The following BCO2 variants were observed in gnomAD, a reference collection of about 807,000 sequenced individuals.
The protein encoded by BCO2 is carotenoid-cleaving dioxygenase, mitochondrial.
A neutral mutation model predicts 65.8 loss-of-function variants in BCO2; 56 were observed. That is an observed-to-expected ratio of 0.85 (90% CI 0.69 to 1.06). BCO2 has a LOEUF of 1.06. Among genes scored for constraint, BCO2 ranks in the 50% least tolerant of loss-of-function variants. The probability of loss-of-function intolerance (pLI) is 0.00; values close to 1 mark genes in which losing one functional copy is unlikely to be tolerated. For synonymous variants in BCO2, 233 were observed against 242.3 expected (o/e 0.96, Z 0.36); for missense variants, 675 against 698.5 (o/e 0.97, Z 0.38).
chr11:112,191,028 G>T (rs1012455529), intron 2 of BCO2, among the ~76,000 whole-genome samples: 1 of 150,650 alleles, frequency 6.6e-6, no homozygotes, highest in Non-Finnish European at 1.5e-5. Flanking sequence ...GGTGCTACAA[G>T]CAGTAATACT....
intron 1 of BCO2, chr11:112,176,313 A>G (rs1866878687): frequency 6.6e-6 from 1 of 152,374 alleles, no homozygotes; most frequent in Non-Finnish European, 1.5e-5. Context: ...TTTATCATAC[A>G]AGACAGATAA....
At position 112,184,419 on chromosome 11, in the gene BCO2, ATTT is replaced by A. The variant is rs938893543; in HGVS notation, c.293+4942_293+4944del. ...AGGTGCCCGCCACCACGCCTGGCTA[ATTT>A]TTTTGTATTTTTAGTAGAGACGGGG... On this transcript the variant is annotated intron_variant, in intron 2 of 11. Transcript: ENST00000357685. 2.0e-5 allele frequency among the ~76,000 whole-genome samples: 3 copies of A among 151,746 alleles called. No individual in the cohort carries two copies. The South Asian group carries it at 6.3e-4, about 32-fold the overall frequency.
intron 8 of BCO2, among the ~76,000 whole-genome samples, chr11:112,205,523 T>C (rs1029467006): frequency 6.6e-6 from 1 of 152,254 alleles, no homozygotes; most frequent in African/African-American, 2.4e-5. Flanking sequence ...GGCATGATCA[T>C]AGCTCACTGA....
At chr11:112,192,805 CTCATTCTGA>C (rs1867429966) in intron 2 of BCO2, among the ~76,000 whole-genome samples, 1 of 146,794 alleles carries the variant, frequency 6.8e-6, no homozygotes, top group Non-Finnish European at 1.5e-5. Flanking sequence ...CGGCCTGGAG[CTCATTCTGA>C]TTTGTTAAAC....
chr11:112,205,176 A>G (rs1867836540), intron 8 of BCO2, among the ~76,000 whole-genome samples: 1 of 152,096 alleles, frequency 6.6e-6, no homozygotes, highest in Admixed American at 6.5e-5. Flanking sequence ...CCTCTACCCC[A>G]CTCCGTGTTG....
rs1867684627 is a variant in BCO2 at position 112,199,922 on chromosome 11, C to G, written c.865+95C>G. 3 of 1,439,374 alleles carry G rather than the reference C, an allele frequency of 2.1e-6. No homozygotes were observed. In the African/African-American group the frequency reaches 4.2e-5, roughly 20 times the overall value. The allele number at this position is 1,439,374 out of a possible 1,614,324, so 89.2% of individuals were successfully genotyped here. On this transcript the variant is annotated intron_variant, in intron 6 of 11. Coordinates refer to ENST00000357685, the MANE Select transcript of BCO2 (RefSeq NM_031938.7). The stretch of plus-strand genomic sequence containing the variant: ...GGCAAATGTTATGTTAATAGTTTAT[C>G]ACGCTATGGTGATAATGAGACCAAG...
chr11:112,194,715 T>C lies in BCO2; in HGVS notation c.696T>C (p.Asp232=). The C allele has an allele frequency of 6.2e-7, 1 of 1,612,802 alleles. No homozygotes were observed. Among genetic ancestry groups the C allele is most frequent in the South Asian group, 1.1e-5 (1 of 90,912 alleles). Residue 232 remains aspartate, a synonymous_variant, in exon 5 of 12, where the codon GAT becomes GAC. Coordinates refer to ENST00000357685, the MANE Select transcript of BCO2 (RefSeq NM_031938.7). ...CTGCACATCCTCATTATGACCTGGA[T>C]GGAACAGCATACAATATGGGGAACT... ...GATAHPHYDL[D]GTAYNMGNSF...
chr11:112,204,734 G>A (rs1352292080), intron 8 of BCO2, among the ~76,000 whole-genome samples: 2 of 152,226 alleles, frequency 1.3e-5, no homozygotes, highest in African/African-American at 4.8e-5. Flanking sequence ...GTGCAATGGC[G>A]TGATCTCGTC....
intron 1 of BCO2, among the ~76,000 whole-genome samples, chr11:112,178,122 C>T (rs1280951781): frequency 6.6e-6 from 1 of 151,250 alleles, no homozygotes; most frequent in Non-Finnish European, 1.5e-5. Context: ...ATTATGTTGG[C>T]CAGACAGGTC....
intron 1 of BCO2, among the ~76,000 whole-genome samples, chr11:112,177,352 C>G (rs1866913021): frequency 6.6e-6 from 1 of 152,062 alleles, no homozygotes; most frequent in African/African-American, 2.4e-5. Flanking sequence ...TTATTAGGAC[C>G]AGAATGGAGT....
At chr11:112,192,196 G>A (rs577886534) in intron 2 of BCO2, among the ~76,000 whole-genome samples, 71 of 152,186 alleles carry the variant, frequency 4.7e-4, no homozygotes, top group African/African-American at 1.6e-3. Context: ...GTCTTTTTAC[G>A]ACTGGCATAT....
rs573747507 is a variant in BCO2 at position 112,186,989 on chromosome 11, T to C, written c.294-6485T>C. On this transcript the variant is annotated intron_variant, in intron 2 of 11. Coordinates refer to ENST00000357685, the MANE Select transcript of BCO2 (RefSeq NM_031938.7). ...CCTGGACTATCGCCACTGTAATGAT[T>C]GTCCCCCTCCATGCCACTTCGACAA... Among the ~76,000 whole-genome samples, 72 of 152,290 alleles carry C rather than the reference T, an allele frequency of 4.7e-4. 1 individual carries two copies. The highest frequency in any genetic ancestry group is 1.6e-3 in the African/African-American group (67 of 41,560).
intron 2 of BCO2, chr11:112,181,730 G>C: frequency 1.1e-6 from 1 of 916,676 alleles, no homozygotes; most frequent in South Asian, 1.3e-5. Flanking sequence ...AGTCAGAACT[G>C]TGATGCCAGG....
intron 2 of BCO2, among the ~76,000 whole-genome samples, chr11:112,184,204 G>A (rs7121203): frequency 1 from 152,330 of 152,336 alleles, 76,162 homozygotes; most frequent in Middle Eastern, 1. Context: ...GTCTGCTAAA[G>A]GCCAATGTAA....
At chr11:112,177,300 A>T (rs1010822151) in intron 1 of BCO2, among the ~76,000 whole-genome samples, 4 of 152,200 alleles carry the variant, frequency 2.6e-5, no homozygotes, top group Non-Finnish European at 4.4e-5. Context: ...AGATTTTAGT[A>T]TGCTTAAGAA....
intron 8 of BCO2, among the ~76,000 whole-genome samples, chr11:112,206,239 G>A (rs944997620): frequency 9.5e-4 from 144 of 151,550 alleles, no homozygotes; most frequent in Non-Finnish European, 1.7e-3. Flanking sequence ...TCCCAGACAG[G>A]GCAGCGGCCG....
chr11:112,191,379 A>T (rs1195775210), intron 2 of BCO2, among the ~76,000 whole-genome samples: 1 of 152,182 alleles, frequency 6.6e-6, no homozygotes, highest in Non-Finnish European at 1.5e-5. Context: ...ACATAATGGT[A>T]GGGAAACTTC....
chr11:112,189,586 T>G (rs1381841688), intron 2 of BCO2, among the ~76,000 whole-genome samples: 2 of 152,004 alleles, frequency 1.3e-5, no homozygotes, highest in Non-Finnish European at 2.9e-5. Flanking sequence ...TTTTTGTATT[T>G]TTAGTAGGGG....
At chr11:112,214,368 C>T (rs910660959) in intron 9 of BCO2, among the ~76,000 whole-genome samples, 3 of 151,950 alleles carry the variant, frequency 2.0e-5, no homozygotes, top group Non-Finnish European at 2.9e-5. Context: ...AGGCTAGTCT[C>T]GAACTCCTGA....
Sources: allele counts gnomAD v4.1 joint callset (sites outside exome capture counted in the v4.1 genomes callset), GRCh38; gene constraint gnomAD v4.1.1; transcripts MANE v1.5; gene names NCBI Gene and HGNC (gene_info 2026-07-23, HGNC 2026-07-21).